The following PCDH9 variants were observed in gnomAD, a reference collection of about 807,000 sequenced individuals.
The protein encoded by PCDH9 is protocadherin 9, also known as protocadherin-9.
Under a neutral mutation model 70.6 loss-of-function variants are expected in PCDH9, and 24 were observed. The ratio of observed to expected loss-of-function variants is 0.34; its 90% confidence interval spans 0.25 to 0.48. The LOEUF is 0.48. Among genes scored for constraint, PCDH9 ranks in the 20% least tolerant of loss-of-function variants. The pLI, the probability that PCDH9 is intolerant of heterozygous loss-of-function variation, is 0.99. For synonymous variants in PCDH9, 562 were observed against 558.5 expected, an observed-to-expected ratio of 1.01 and a Z score of -0.09; for missense variants, 1,281 against 1,503.6, an observed-to-expected ratio of 0.85 and a Z score of 2.45.
At chr13:66,730,441 T>C (rs1051091201) in intron 3 of PCDH9, among the ~76,000 whole-genome samples, 1 of 152,162 alleles carries the variant, frequency 6.6e-6, no homozygotes, top group Admixed American at 6.6e-5. Flanking sequence ...AGTTTGCATA[T>C]CTCAGCTCTA....
chr13:67,064,691 C>T (rs1391198952), intron 2 of PCDH9, among the ~76,000 whole-genome samples: 1 of 152,096 alleles, frequency 6.6e-6, no homozygotes, highest in Non-Finnish European at 1.5e-5. Context: ...ATAAATGTCT[C>T]TCCTCTTTAT....
chr13:66,569,044 C>T (rs11843074), intron 4 of PCDH9, among the ~76,000 whole-genome samples: 69,312 of 131,726 alleles, frequency 0.53, 18,306 homozygotes, highest in East Asian at 0.68. Flanking sequence ...CTCTGTCACC[C>T]AGGCTAGAGA....
chr13:66,443,332 A>T (rs1295021128), intron 4 of PCDH9, among the ~76,000 whole-genome samples: 2 of 152,202 alleles, frequency 1.3e-5, no homozygotes, highest in Non-Finnish European at 2.9e-5. Context: ...GATGAATTTT[A>T]ATGGTCAAAA....
At chr13:67,084,809 A>G (rs1291290148) in intron 2 of PCDH9, among the ~76,000 whole-genome samples, 1 of 151,052 alleles carries the variant, frequency 6.6e-6, no homozygotes, top group Non-Finnish European at 1.5e-5. Flanking sequence ...TCTATTAAAA[A>G]TATAAAAATT....
At chr13:67,214,462 G>C (rs2089543860) in intron 2 of PCDH9, 1 of 152,168 alleles carries the variant, frequency 6.6e-6, no homozygotes, top group Non-Finnish European at 1.5e-5. Flanking sequence ...TGTAATAGGA[G>C]TGATGGATAC....
chr13:67,170,083 A>G (rs1053546228), intron 2 of PCDH9, among the ~76,000 whole-genome samples: 1 of 152,144 alleles, frequency 6.6e-6, no homozygotes, highest in Non-Finnish European at 1.5e-5. Context: ...TAAGTGATCC[A>G]TTCTTTGAGA....
At chr13:66,432,327 A>G (rs1175529959) in intron 4 of PCDH9, among the ~76,000 whole-genome samples, 1 of 151,962 alleles carries the variant, frequency 6.6e-6, no homozygotes, top group Non-Finnish European at 1.5e-5. Flanking sequence ...AACTTTGGGA[A>G]TTTGTGGCAA....
chr13:66,379,218 T>C (rs1269760676), intron 4 of PCDH9, among the ~76,000 whole-genome samples: 1 of 152,208 alleles, frequency 6.6e-6, no homozygotes, highest in Non-Finnish European at 1.5e-5. Context: ...CCATGTGTGC[T>C]GCACATCACA....
rs1378123410 is a variant in PCDH9, at chr13:66,326,426, T to TA, written c.3341-21399dup. Among the ~76,000 whole-genome samples the TA allele has an allele frequency of 9.1e-4, 132 of 144,718 alleles. 1 individual carries two copies. Among genetic ancestry groups the TA allele is most frequent in the South Asian group, 9.0e-3 (41 of 4,556 alleles). 94.9% of individuals were successfully genotyped at this position (144,718 alleles called of 152,430 possible). A position where few individuals can be genotyped will look rare whatever the true frequency, so the allele number is the denominator to read the frequency against. On this transcript the variant is annotated intron_variant, in intron 4 of 4. Coordinates refer to ENST00000377865, the MANE Select transcript of PCDH9 (RefSeq NM_203487.3). ...AAAAAAAAAAAAACAACGAAAACAA[T>TA]AAAAAAAAACACACCAGAGTCTTGC...
At chr13:67,007,836 G>C (rs932558658) in intron 2 of PCDH9, among the ~76,000 whole-genome samples, 1 of 152,114 alleles carries the variant, frequency 6.6e-6, no homozygotes, top group African/African-American at 2.4e-5. Context: ...TTTGAGAGTG[G>C]TTGGGGTATT....
At chr13:66,305,074 AT>A (rs1193767001) in intron 4 of PCDH9, 46 bp from the exon 5 acceptor site, 1 of 1,498,616 alleles carries the variant, frequency 6.7e-7, no homozygotes, top group South Asian at 1.3e-5. Context: ...AGTGGTTAAA[AT>A]TTTCAATTAG....
chr13:66,730,573 C>T (rs977660337), intron 3 of PCDH9, among the ~76,000 whole-genome samples: 4 of 152,076 alleles, frequency 2.6e-5, no homozygotes, highest in African/African-American at 9.7e-5. Context: ...CAATCACTAA[C>T]ATTTGCATTC....
At chr13:66,823,852 AC>A (rs563785290) in intron 3 of PCDH9, among the ~76,000 whole-genome samples, 1 of 152,270 alleles carries the variant, frequency 6.6e-6, no homozygotes, top group Admixed American at 6.5e-5. Flanking sequence ...ATTTTTTGAC[AC>A]TATATTAGTT....
chr13:66,758,685 G>C (rs1462364430), intron 3 of PCDH9, among the ~76,000 whole-genome samples: 1 of 151,924 alleles, frequency 6.6e-6, no homozygotes, highest in Non-Finnish European at 1.5e-5. Context: ...GAAAGCGTTT[G>C]AGAATAATTG....
At chr13:66,462,619 C>G (rs902006512) in intron 4 of PCDH9, among the ~76,000 whole-genome samples, 1 of 151,718 alleles carries the variant, frequency 6.6e-6, no homozygotes, top group African/African-American at 2.4e-5. Context: ...TGAAATATGG[C>G]CTGGGCTTTG....
intron 2 of PCDH9, among the ~76,000 whole-genome samples, chr13:67,158,429 T>C (rs1001327271): frequency 1.1e-4 from 16 of 152,212 alleles, no homozygotes; most frequent in African/African-American, 3.1e-4. Flanking sequence ...CCAGAATTTG[T>C]TTGTTGAAGC....
chr13:66,497,535 A>T (rs1272828624), intron 4 of PCDH9, among the ~76,000 whole-genome samples: 1 of 152,198 alleles, frequency 6.6e-6, no homozygotes, highest in Non-Finnish European at 1.5e-5. Flanking sequence ...ATGCTAAAAA[A>T]TCAACCATCT....
intron 4 of PCDH9, among the ~76,000 whole-genome samples, chr13:66,306,995 G>A (rs1202274374): frequency 6.6e-6 from 1 of 151,952 alleles, no homozygotes; most frequent in Non-Finnish European, 1.5e-5. Context: ...TTTTTGCCGG[G>A]CCTGTTTTCA....
chr13:67,056,028 A>G (rs1019893942), intron 2 of PCDH9, among the ~76,000 whole-genome samples: 1 of 152,188 alleles, frequency 6.6e-6, no homozygotes, highest in Non-Finnish European at 1.5e-5. Flanking sequence ...AGAATATTTT[A>G]GAAGACAACA....
Sources: gnomAD v4.1 joint callset for allele counts (sites outside exome capture counted in the v4.1 genomes callset) on GRCh38, gnomAD v4.1.1 for gene constraint, MANE v1.5 for transcripts, NCBI Gene and HGNC (gene_info 2026-07-23, HGNC 2026-07-21) for gene names.